TRPM1: variants seen among roughly 807,000 people sequenced by gnomAD.
TRPM1 encodes transient receptor potential cation channel subfamily M member 1.
TRPM1 carries 113 observed loss-of-function variants against 149.4 expected under a neutral mutation model. The ratio of observed to expected loss-of-function variants is 0.76; its 90% confidence interval spans 0.65 to 0.88. The LOEUF (loss-of-function observed/expected upper bound fraction) is 0.88, where lower values mean the gene tolerates loss of function less well. Ranked by LOEUF, TRPM1 falls within the 40% of genes least tolerant of loss-of-function variation. The pLI, the probability that TRPM1 is intolerant of heterozygous loss-of-function variation, is 0.00. For synonymous variants in TRPM1, 741 were observed against 759.5 expected (o/e 0.98, Z 0.40); for missense variants, 1,976 against 2,038.7 (o/e 0.97, Z 0.59).
chr15:31,143,371 ATGTTT>A (rs1257031261), intron 1 of TRPM1, among the ~76,000 whole-genome samples: 1 of 152,086 alleles, frequency 6.6e-6, no homozygotes, highest in Non-Finnish European at 1.5e-5. Flanking sequence ...GGTTCATTTA[ATGTTT>A]TGTTTTCCAG....
At chr15:31,143,503 C>A (rs760607545) in intron 1 of TRPM1, among the ~76,000 whole-genome samples, 47 of 152,070 alleles carry the variant, frequency 3.1e-4, no homozygotes, top group Non-Finnish European at 5.9e-4. Flanking sequence ...CTCACTGTAA[C>A]CTCTGCCTCC....
intron 1 of TRPM1, among the ~76,000 whole-genome samples, chr15:31,082,343 T>A (rs916254366): frequency 2.0e-5 from 3 of 152,144 alleles, no homozygotes; most frequent in Non-Finnish European, 4.4e-5. Flanking sequence ...GGGAAGTCTG[T>A]CTACCCCGGC....
chr15:31,074,211 TA>T (rs1250413156), intron 3 of TRPM1, among the ~76,000 whole-genome samples: 2 of 152,124 alleles, frequency 1.3e-5, no homozygotes, highest in African/African-American at 4.8e-5. Context: ...CTGGCCTCAT[TA>T]AATGAGTTGG....
At chr15:31,019,820 T>C (rs6493387) in intron 27 of TRPM1, among the ~76,000 whole-genome samples, 83,378 of 150,814 alleles carry the variant, frequency 0.55, 24,025 homozygotes, top group African/African-American at 0.7. Context: ...GGCCTTTCGC[T>C]GCCACACCTG....
chr15:31,154,834 C>T (rs1178967108), intron 1 of TRPM1, among the ~76,000 whole-genome samples: 3 of 151,456 alleles, frequency 2.0e-5, no homozygotes, highest in Non-Finnish European at 4.4e-5. Context: ...ATCTTGTGAC[C>T]CCCACCCAGG....
rs543341268 is a variant in TRPM1 at position 31,001,593 on chromosome 15, C to T, written c.*229G>A. 8.0e-4 allele frequency: 475 copies of T among 595,720 alleles called. 2 individuals are homozygous for T. The highest frequency in any genetic ancestry group is 1.7e-3 in the South Asian group (81 of 48,272). 36.9% of individuals were successfully genotyped at this position (595,720 alleles called of 1,614,324 possible). A position where few individuals can be genotyped will look rare whatever the true frequency, so the allele number is the denominator to read the frequency against. ...GTATACTGATTAGCCAATTTATCTT[C>T]GTTACAGTATCATCACTTTCATTTG... On this transcript the variant is annotated 3_prime_UTR_variant, in exon 28 of 28. Coordinates refer to ENST00000256552, the MANE Select transcript of TRPM1 (RefSeq NM_001252024.2).
chr15:31,085,112 C>T (rs1363113669), intron 1 of TRPM1, among the ~76,000 whole-genome samples: 1 of 151,952 alleles, frequency 6.6e-6, no homozygotes, highest in Admixed American at 6.6e-5. Flanking sequence ...TCTTCATTGT[C>T]CGTGTTGTGT....
At chr15:31,022,715 A>G (rs999757672) in intron 27 of TRPM1, among the ~76,000 whole-genome samples, 2 of 152,186 alleles carry the variant, frequency 1.3e-5, no homozygotes, top group Non-Finnish European at 2.9e-5. Flanking sequence ...TAAGGATGGG[A>G]TAGAAATTTA....
At chr15:31,121,706 C>A (rs2035882903) in intron 1 of TRPM1, among the ~76,000 whole-genome samples, 1 of 152,070 alleles carries the variant, frequency 6.6e-6, no homozygotes, top group Non-Finnish European at 1.5e-5. Flanking sequence ...AAGCACCAGG[C>A]CTAGATGTTT....
intron 1 of TRPM1, among the ~76,000 whole-genome samples, chr15:31,091,825 T>C (rs1234656576): frequency 1.3e-5 from 2 of 152,106 alleles, no homozygotes; most frequent in Non-Finnish European, 1.5e-5. Flanking sequence ...GGGAGGATTA[T>C]GGGAAAACAA....
At position 31,040,699 on chromosome 15, in the gene TRPM1, G is replaced by A. The variant is rs961118735; in HGVS notation, c.2088-353C>T. On this transcript the variant is annotated intron_variant, in intron 17 of 27. Transcript: ENST00000256552. The surrounding 1 kb of genome is among the most constrained non-coding windows in gnomAD (Gnocchi z 4.2). ...GAGGCAGATAGAAAAGACAGCAAAAGTGACTTCAAATGCAGCACCTGTGGA... is the reference window on the plus strand; with the variant it reads ...GAGGCAGATAGAAAAGACAGCAAAAATGACTTCAAATGCAGCACCTGTGGA... 6.6e-6 allele frequency among the ~76,000 whole-genome samples: 1 copy of A among 152,192 alleles called. No individual in the cohort carries two copies.
intron 12 of TRPM1, among the ~76,000 whole-genome samples, chr15:31,050,038 G>A (rs2033903437): frequency 6.6e-6 from 1 of 151,628 alleles, no homozygotes; most frequent in African/African-American, 2.4e-5. Flanking sequence ...CATGGGCTCT[G>A]TCTGTCAAAA....
chr15:31,123,542 G>C (rs2035906495), intron 1 of TRPM1, among the ~76,000 whole-genome samples: 2 of 152,132 alleles, frequency 1.3e-5, no homozygotes, highest in Non-Finnish European at 2.9e-5. Context: ...CACCGAAGAA[G>C]ATATACAGAT....
intron 5 of TRPM1, 24 bp downstream of exon 5, chr15:31,067,855 G>A (rs745503991): frequency 9.9e-6 from 16 of 1,609,758 alleles, no homozygotes; most frequent in East Asian, 4.5e-5. Context: ...ATTGATTATC[G>A]GGAGGGAAAG....
At chr15:31,052,407 AC>A (rs577393041) in intron 11 of TRPM1, among the ~76,000 whole-genome samples, 63 of 152,308 alleles carry the variant, frequency 4.1e-4, no homozygotes, top group African/African-American at 1.5e-3. Context: ...CTGGAGTTGG[AC>A]CCTTACCTTA....
intron 27 of TRPM1, among the ~76,000 whole-genome samples, chr15:31,018,271 G>A (rs1381153511): frequency 3.4e-5 from 5 of 149,202 alleles, no homozygotes; most frequent in Non-Finnish European, 5.9e-5. Context: ...GGCTGGTCTC[G>A]AACCCCTGAC....
intron 1 of TRPM1, among the ~76,000 whole-genome samples, chr15:31,108,654 C>T (rs183072243): frequency 3.3e-5 from 5 of 152,178 alleles, no homozygotes; most frequent in Admixed American, 3.3e-4. Context: ...CCACCATGCT[C>T]AGCTAATTTT....
chr15:31,027,486 C>CT (rs1038006295), intron 25 of TRPM1, among the ~76,000 whole-genome samples: 1 of 152,066 alleles, frequency 6.6e-6, no homozygotes, highest in East Asian at 1.9e-4. Flanking sequence ...TAGATGACTA[C>CT]TTTTTTTTCA....
At chr15:31,105,443 G>C (rs879720752), upstream of TRPM1, among the ~76,000 whole-genome samples, 2,760 of 45,164 alleles carry the variant, frequency 0.061, 26 homozygotes, top group Middle Eastern at 0.11. Flanking sequence ...CTCTGTGTGT[G>C]TGTGTGTGTG....
Sources: allele counts gnomAD v4.1 joint callset (sites outside exome capture counted in the v4.1 genomes callset), GRCh38; gene constraint gnomAD v4.1.1; non-coding constraint Gnocchi (gnomAD v3.1); transcripts MANE v1.5; gene names NCBI Gene and HGNC (gene_info 2026-07-23, HGNC 2026-07-21).